MICAL3: variants seen among roughly 807,000 people sequenced by gnomAD.
MICAL3 encodes the protein [F-actin]-monooxygenase MICAL3.
Under a neutral mutation model 207.4 loss-of-function variants are expected in MICAL3, and 62 were observed. That is an observed-to-expected ratio of 0.30 (90% CI 0.24 to 0.37). The LOEUF is 0.37. Ranked by LOEUF, MICAL3 falls within the 10% of genes least tolerant of loss-of-function variation. The pLI, the probability that MICAL3 is intolerant of heterozygous loss-of-function variation, is 1.00. For missense variants in MICAL3, 2,368 were observed against 2,635.6 expected (o/e 0.90, Z 2.22); for synonymous variants, 1,077 against 1,069.3 (o/e 1.01, Z -0.14).
At chr22:17,879,018 G>A (rs1334364192) in intron 16 of MICAL3, among the ~76,000 whole-genome samples, 1 of 152,162 alleles carries the variant, frequency 6.6e-6, no homozygotes, top group Non-Finnish European at 1.5e-5. Flanking sequence ...CTCTACCACT[G>A]GCACATAGTT....
chr22:18,005,729 G>T (rs1431888901), intron 1 of MICAL3: 1 of 152,152 alleles, frequency 6.6e-6, no homozygotes, highest in Non-Finnish European at 1.5e-5. Context: ...CTGGAGTGCT[G>T]GTGGCTAGAA....
chr22:17,876,829 T>TGGAGGTTAGGGAGGTTAG (rs1569109206), intron 16 of MICAL3: 1 of 25,258 alleles, frequency 4.0e-5, no homozygotes, highest in Non-Finnish European at 8.9e-5. Flanking sequence ...AGGGAGGTTA[T>TGGAGGTTAGGGAGGTTAG]GGAGGTTAGG....
At position 17,893,891 on chromosome 22, in the gene MICAL3, T is replaced by TATAA; in HGVS notation, c.1459_1462dup (p.Tyr488PhefsTer3). ...AATATCTTTTGTTTCGCCAGTATCA[T>TATAA]ATAAATGGCGCACCTGGCAGAAATT... On this transcript the variant is annotated frameshift_variant, in exon 11 of 32. Transcript: ENST00000441493. LOFTEE classifies it high-confidence loss of function. The TATAA allele has an allele frequency of 6.4e-7, 1 of 1,558,034 alleles. No individual in the cohort carries two copies. Among genetic ancestry groups the TATAA allele is most frequent in the Non-Finnish European group, 8.7e-7 (1 of 1,149,814 alleles).
intron 1 of MICAL3, among the ~76,000 whole-genome samples, chr22:18,023,514 A>G (rs1006874122): frequency 2.0e-5 from 3 of 152,236 alleles, no homozygotes; most frequent in Non-Finnish European, 4.4e-5. Flanking sequence ...AGAGGAGGGA[A>G]GGGGTTGGCA....
chr22:17,883,993 T>C (rs941782171), intron 16 of MICAL3, among the ~76,000 whole-genome samples: 1 of 152,168 alleles, frequency 6.6e-6, no homozygotes, highest in African/African-American at 2.4e-5. Context: ...AGAGCGCGGG[T>C]ACCCTTGGGT....
chr22:17,883,354 G>A (rs190100984), intron 16 of MICAL3, among the ~76,000 whole-genome samples: 3 of 152,302 alleles, frequency 2.0e-5, no homozygotes, highest in African/African-American at 7.2e-5. Flanking sequence ...TGGTTAGAAA[G>A]GAACATTTTT....
In MICAL3 at chr22:18,008,071, A is replaced by G. The variant is rs142789611; in HGVS notation, c.-75+16210T>C. On this transcript the variant is annotated intron_variant, in intron 1 of 31. Coordinates refer to ENST00000441493, the MANE Select transcript of MICAL3 (RefSeq NM_015241.3). ...GCCTGGCCAACATGGTGAAATACTA[A>G]AATACTAAAAATACAAAATTAGCCT... 1.1e-4 allele frequency among the ~76,000 whole-genome samples: 16 copies of G among 150,976 alleles called. No individual in the cohort carries two copies. The East Asian group carries it at 3.1e-3, about 30-fold the overall frequency.
chr22:17,791,285 G>C lies in MICAL3; in HGVS notation c.5667C>G (p.Asp1889Glu), dbSNP rs758034364. ...LRGEAGMGKKDDPKLMQEWFK... is the reference protein window; with the variant it reads ...LRGEAGMGKKEDPKLMQEWFK... The stretch of plus-strand genomic sequence containing the variant: ...ACCACTCCTGCATCAGCTTGGGGTC[G>C]TCCTTCTTGCCCATGCCTGCCGAGA... Residue 1889 changes from aspartate to glutamate, a missense_variant, in exon 30 of 32, where the codon GAC becomes GAG. Asp to Glu is a conservative substitution (Grantham distance 45, BLOSUM62 2). Transcript: ENST00000441493. 4 of 1,613,428 alleles carry C rather than the reference G, an allele frequency of 2.5e-6. No homozygotes were observed. Among genetic ancestry groups the C allele is most frequent in the Non-Finnish European group, 3.4e-6 (4 of 1,179,722 alleles).
chr22:17,905,591 C>T (rs533378608), intron 2 of MICAL3, among the ~76,000 whole-genome samples: 1 of 152,208 alleles, frequency 6.6e-6, no homozygotes, highest in Admixed American at 6.5e-5. Flanking sequence ...GAATATCTAC[C>T]CAAATGCAAA....
At chr22:17,987,113 T>C (rs765942742) in intron 1 of MICAL3, among the ~76,000 whole-genome samples, 4 of 151,908 alleles carry the variant, frequency 2.6e-5, no homozygotes, top group Non-Finnish European at 5.9e-5. Flanking sequence ...TAGGGGTGCA[T>C]GCCTGTAGTC....
At chr22:17,977,517 C>A (rs1935709518) in intron 1 of MICAL3, among the ~76,000 whole-genome samples, 2 of 149,184 alleles carry the variant, frequency 1.3e-5, no homozygotes, top group Non-Finnish European at 3.0e-5. Context: ...TCACTTCATA[C>A]CCACTAGGAA....
intron 1 of MICAL3, among the ~76,000 whole-genome samples, chr22:18,018,344 T>G (rs944058854): frequency 6.6e-6 from 1 of 152,220 alleles, no homozygotes; most frequent in Admixed American, 6.5e-5. Context: ...CGGTATTTGC[T>G]CAAGGTAACG....
intron 1 of MICAL3, among the ~76,000 whole-genome samples, chr22:18,021,028 G>C (rs1924440800): frequency 1.3e-5 from 2 of 152,158 alleles, no homozygotes; most frequent in Admixed American, 1.3e-4. Context: ...GTTTAAAAAA[G>C]TGTGAAAAGG....
intron 1 of MICAL3, among the ~76,000 whole-genome samples, chr22:17,982,547 T>C (rs1935961397): frequency 6.6e-6 from 1 of 152,078 alleles, no homozygotes; most frequent in African/African-American, 2.4e-5. Flanking sequence ...GTCAGGCACC[T>C]GTAATCCCAG....
intron 1 of MICAL3, among the ~76,000 whole-genome samples, chr22:17,976,531 A>ATGTGTGTGTGTGTGTG (rs1239655452): frequency 3.5e-5 from 4 of 114,720 alleles, no homozygotes; most frequent in African/African-American, 1.5e-4. Flanking sequence ...ATATGTGTAT[A>ATGTGTGTGTGTGTGTG]TATATGTGTG....
Position 17,886,021 on chromosome 22 carries a change from T to C in MICAL3, c.2098A>G (p.Arg700Gly). 6.2e-7 allele frequency: 1 copy of C among 1,614,006 alleles called. No individual in the cohort carries two copies. ...GTCAGAGTGCTCACCAGGGTCGGTC[T>C]TTCTCCTCTGTGGCCCCGAGGAGCT... is the stretch of plus-strand genomic sequence containing the variant. ...EEAPRGHRGE[R>G]PTLVSTLTDR... Residue 700 changes from arginine to glycine, a missense_variant, in exon 16 of 32, where the codon AGA (arginine) becomes GGA (glycine). Physicochemically the swap from Arg to Gly is moderately radical, Grantham distance 125. Around this residue, in one of 4 missense-constraint regions of MICAL3, gnomAD observed 1,770 missense variants for 1,863.2 expected, o/e 0.95. Coordinates refer to ENST00000441493, the MANE Select transcript of MICAL3 (RefSeq NM_015241.3).
At chr22:17,960,106 C>T (rs1011649067) in intron 1 of MICAL3, among the ~76,000 whole-genome samples, 4 of 152,180 alleles carry the variant, frequency 2.6e-5, no homozygotes, top group Admixed American at 6.5e-5. Flanking sequence ...CCACAGTTCC[C>T]GGAAGGCATC....
chr22:17,970,547 A>C (rs1935363199), intron 1 of MICAL3, among the ~76,000 whole-genome samples: 1 of 152,204 alleles, frequency 6.6e-6, no homozygotes, highest in Non-Finnish European at 1.5e-5. Flanking sequence ...CTTCCTGAGA[A>C]GTGTCAGGTT....
At chr22:17,848,172 T>C (rs1048374843) in intron 19 of MICAL3, among the ~76,000 whole-genome samples, 2 of 152,186 alleles carry the variant, frequency 1.3e-5, no homozygotes, top group Admixed American at 6.5e-5. Context: ...TCGGTCACAG[T>C]GACGTTCGTG....
Sources: allele counts gnomAD v4.1 joint callset (sites outside exome capture counted in the v4.1 genomes callset), GRCh38; gene constraint gnomAD v4.1.1; regional missense constraint gnomAD v4.1.1; transcripts MANE v1.5; gene names NCBI Gene and HGNC (gene_info 2026-07-23, HGNC 2026-07-21).